The following UBL3 variants were observed in gnomAD, a reference collection of about 807,000 sequenced individuals.
UBL3 encodes the protein ubiquitin like 3, also known as ubiquitin-like protein 3.
Under a neutral mutation model 18.4 loss-of-function variants are expected in UBL3, and 6 were observed. The ratio of observed to expected loss-of-function variants is 0.33; its 90% CI spans 0.18 to 0.64. The LOEUF (loss-of-function observed/expected upper bound fraction) is 0.64. UBL3 is among the 30% of genes least tolerant of loss of function. UBL3 has a pLI of 0.76. For missense variants in UBL3, 109 were observed against 142.9 expected, an observed-to-expected ratio of 0.76 and a Z score of 1.21; for synonymous variants, 49 against 46.6, an observed-to-expected ratio of 1.05 and a Z score of -0.21.
chr13:29,829,266 G>A (rs966967869), intron 1 of UBL3, among the ~76,000 whole-genome samples: 6 of 152,164 alleles, frequency 3.9e-5, no homozygotes, highest in Non-Finnish European at 5.9e-5. Context: ...CCTTTTGTTC[G>A]GCTGTGCCCT....
Position 29,772,136 on chromosome 13 carries a change from G to A in UBL3, c.199C>T (p.Leu67=). 2 of 1,611,786 alleles carry A rather than the reference G, an allele frequency of 1.2e-6. No homozygotes were observed. Among genetic ancestry groups the A allele is most frequent in the Non-Finnish European group, 1.7e-6 (2 of 1,178,572 alleles). ...CCTCCTAATGTGACATTTCCATGTAGAAATCGTCCTTGATAAATAAGTCGT... is the reference window on the plus strand; with the variant it reads ...CCTCCTAATGTGACATTTCCATGTAAAAATCGTCCTTGATAAATAAGTCGT... ...ILRLIYQGRF[L]HGNVTLGALK... Residue 67 remains leucine, a synonymous_variant, in exon 3 of 5, where the codon CTA becomes TTA. Coordinates refer to ENST00000380680, the MANE Select transcript of UBL3 (RefSeq NM_007106.4).
intron 1 of UBL3, among the ~76,000 whole-genome samples, chr13:29,799,764 T>C (rs968143144): frequency 1.3e-5 from 2 of 152,236 alleles, no homozygotes; most frequent in African/African-American, 4.8e-5. Context: ...TACATGGCAT[T>C]TATTTACAAA....
intron 1 of UBL3, among the ~76,000 whole-genome samples, chr13:29,795,657 T>C (rs940072224): frequency 7.3e-5 from 11 of 149,666 alleles, no homozygotes; most frequent in Non-Finnish European, 1.2e-4. Flanking sequence ...TGGCAGCTTG[T>C]GCCTGTAATC....
intron 1 of UBL3, among the ~76,000 whole-genome samples, chr13:29,838,197 A>G (rs2139365928): frequency 6.6e-6 from 1 of 152,276 alleles, no homozygotes; most frequent in Middle Eastern, 3.4e-3. Flanking sequence ...TGATGATAAA[A>G]TAACATCTTG....
At chr13:29,802,836 G>T (rs35520191) in intron 1 of UBL3, among the ~76,000 whole-genome samples, 6,912 of 152,232 alleles carry the variant, frequency 0.045, 224 homozygotes, top group Middle Eastern at 0.086. Context: ...TGACTAACTG[G>T]CATTCCTGAA....
chr13:29,799,002 T>A (rs1877687962), intron 1 of UBL3, among the ~76,000 whole-genome samples: 1 of 152,160 alleles, frequency 6.6e-6, no homozygotes. Flanking sequence ...CAAAGGTAAG[T>A]GGGAAACTGA....
Position 29,767,374 on chromosome 13 carries a change from A to T in UBL3, c.302-67T>A, listed in dbSNP as rs1565987126. The T allele has an allele frequency of 1.9e-6, 3 of 1,580,136 alleles. No individual in the cohort carries two copies. The Admixed American group carries it at 5.1e-5, about 27-fold the overall frequency. On this transcript the variant is annotated intron_variant, in intron 4 of 4. Transcript: ENST00000380680. ...AACTGGAGGGGAAAATGGGCTAGGC[A>T]ATCAAGTGTAGGAAGTAGTAGTTTT...
intron 1 of UBL3, among the ~76,000 whole-genome samples, chr13:29,820,936 G>T (rs1191428420): frequency 3.3e-5 from 5 of 152,148 alleles, no homozygotes; most frequent in Non-Finnish European, 7.4e-5. Context: ...CACATGATAG[G>T]CTCTGGAAAC....
At chr13:29,833,005 A>T (rs997837404) in intron 1 of UBL3, among the ~76,000 whole-genome samples, 1 of 152,214 alleles carries the variant, frequency 6.6e-6, no homozygotes, top group African/African-American at 2.4e-5. Context: ...AGTTAAAAGA[A>T]AGATTATGGA....
chr13:29,772,171 G>T lies in UBL3; in HGVS notation c.164C>A (p.Pro55Gln). 6.2e-7 allele frequency: 1 copy of T among 1,611,840 alleles called. No individual in the cohort carries two copies. The highest frequency in any genetic ancestry group is 8.5e-7 in the Non-Finnish European group (1 of 1,178,636). ...TTGATAAATAAGTCGTAGAATATTT[G>T]GACTGCTGACCTGCTCTTCTTCCCA... ...MDWEEEQVSS[P>Q]NILRLIYQGR... Residue 55 changes from proline (P) to glutamine (Q), a missense_variant, in exon 3 of 5, where the codon CCA (proline) becomes CAA (glutamine). Physicochemically the swap from Pro to Gln is moderately conservative, Grantham distance 76. Coordinates refer to ENST00000380680, the MANE Select transcript of UBL3 (RefSeq NM_007106.4).
chr13:29,774,487 A>T (rs1876928960), intron 2 of UBL3, among the ~76,000 whole-genome samples: 1 of 152,136 alleles, frequency 6.6e-6, no homozygotes, highest in Non-Finnish European at 1.5e-5. Context: ...TGCTTTTCAT[A>T]CTGATAGTTA....
chr13:29,849,623 C>A lies in UBL3; in HGVS notation c.-85G>T, dbSNP rs1879318422. On this transcript the variant is annotated 5_prime_UTR_variant, in exon 1 of 5. Transcript: ENST00000380680. ...GAAGTCTTCACGTTACAGAAATAAACCACGATTTTGACTGGTTCGTGATGT... is the reference window on the plus strand; with the variant it reads ...GAAGTCTTCACGTTACAGAAATAAAACACGATTTTGACTGGTTCGTGATGT... 1 of 1,557,910 alleles carries A rather than the reference C, an allele frequency of 6.4e-7. No individual in the cohort carries two copies.
intron 1 of UBL3, among the ~76,000 whole-genome samples, chr13:29,815,729 T>C (rs1878258542): frequency 1.3e-5 from 2 of 152,190 alleles, no homozygotes; most frequent in Non-Finnish European, 2.9e-5. Context: ...GGTTTCCATG[T>C]CATTCACAAA....
chr13:29,835,151 T>TATAA lies in UBL3; in HGVS notation c.27+14360_27+14361insTTAT, dbSNP rs1566001133. On this transcript the variant is annotated intron_variant, in intron 1 of 4. Transcript: ENST00000380680. The stretch of plus-strand genomic sequence containing the variant: ...ATATATATATATATATATATATATA[T>TATAA]ATATATATATATATATATATATATA... 5.4e-3 allele frequency among the ~76,000 whole-genome samples: 137 copies of TATAA among 25,204 alleles called. 4 individuals are homozygous for TATAA. Among genetic ancestry groups the TATAA allele is most frequent in the Non-Finnish European group, 8.2e-3 (114 of 13,846 alleles). The allele number at this position is 25,204 out of a possible 152,430, so 16.5% of individuals were successfully genotyped here.
chr13:29,797,054 T>C (rs569044813), intron 1 of UBL3, among the ~76,000 whole-genome samples: 7 of 152,188 alleles, frequency 4.6e-5, no homozygotes, highest in Non-Finnish European at 1.0e-4. Context: ...AGTTAACGTA[T>C]TTATAAATTA....
rs74381212 is a variant in UBL3 at position 29,781,269 on chromosome 13, A to G, written c.28-4006T>C. Among the ~76,000 whole-genome samples the G allele has an allele frequency of 3.5e-3, 538 of 152,340 alleles. 10 individuals carry two copies. The highest frequency in any genetic ancestry group is 0.012 in the African/African-American group (506 of 41,586). ...TTATATTTCAATAGCATGGATGTGT[A>G]TATCTCACACATATATATGTACAAA... On this transcript the variant is annotated intron_variant, in intron 1 of 4. Coordinates refer to ENST00000380680, the MANE Select transcript of UBL3 (RefSeq NM_007106.4).
At chr13:29,781,078 G>C (rs1238218297) in intron 1 of UBL3, among the ~76,000 whole-genome samples, 1 of 152,042 alleles carries the variant, frequency 6.6e-6, no homozygotes, top group Non-Finnish European at 1.5e-5. Context: ...GGGAGGCTGA[G>C]GCAGGAGAAT....
chr13:29,850,539 CG>C lies in UBL3; in HGVS notation c.-1002del, dbSNP rs1879349284. 6.5e-6 allele frequency: 1 copy of C among 155,008 alleles called. No individual in the cohort carries two copies. Among genetic ancestry groups the C allele is most frequent in the African/African-American group, 2.4e-5 (1 of 41,432 alleles). 9.6% of individuals were successfully genotyped at this position (155,008 alleles called of 1,614,324 possible). A position where few individuals can be genotyped will look rare whatever the true frequency, so the allele number is the denominator to read the frequency against. Reference sequence around the variant, plus strand: ...TCCTCCTTCACTTTTCAGTCCCACACGCCGCGGCCGCCTCCTGTCATCGCCT... The same window carrying C: ...TCCTCCTTCACTTTTCAGTCCCACACCCGCGGCCGCCTCCTGTCATCGCCT... On this transcript the variant is annotated 5_prime_UTR_variant, in exon 1 of 5. The change abolishes the stop of an existing upstream ORF in the 5' untranslated region. Transcript: ENST00000380680.
chr13:29,842,625 C>T (rs1879134518), intron 1 of UBL3, among the ~76,000 whole-genome samples: 1 of 152,146 alleles, frequency 6.6e-6, no homozygotes, highest in Non-Finnish European at 1.5e-5. Flanking sequence ...TCCAGGGTGA[C>T]TGTAAGGATT....
Sources: allele counts gnomAD v4.1 joint callset (sites outside exome capture counted in the v4.1 genomes callset), GRCh38; gene constraint gnomAD v4.1.1; transcripts MANE v1.5; gene names NCBI Gene and HGNC (gene_info 2026-07-23, HGNC 2026-07-21).